Variants in PBX1 observed in about 807,000 individuals in gnomAD.
The protein encoded by PBX1 is PBX homeobox 1, also known as pre-B-cell leukemia transcription factor 1.
In PBX1, 6 loss-of-function variants were observed where a neutral mutation model predicts 53.4. The observed-to-expected ratio is 0.11, with a 90% CI of 0.06 to 0.22. The LOEUF is 0.22. PBX1 is among the 10% of genes least tolerant of loss of function. PBX1 has a pLI of 1.00. For synonymous variants in PBX1, 204 were observed against 212.3 expected (o/e 0.96, Z 0.34); for missense variants, 251 against 551.4 (o/e 0.46, Z 5.46).
At chr1:164,643,128 T>G (rs1049018601) in intron 2 of PBX1, among the ~76,000 whole-genome samples, 10 of 152,104 alleles carry the variant, frequency 6.6e-5, no homozygotes, top group Admixed American at 4.6e-4. Flanking sequence ...AACAGTGATT[T>G]CACCAAGGAT....
At chr1:164,762,236 G>T (rs1666849435) in intron 2 of PBX1, among the ~76,000 whole-genome samples, 1 of 152,142 alleles carries the variant, frequency 6.6e-6, no homozygotes, top group Non-Finnish European at 1.5e-5. Context: ...CAGAGAAATT[G>T]CCAGCTTAAA....
intron 2 of PBX1, among the ~76,000 whole-genome samples, chr1:164,788,598 A>T (rs1220057451): frequency 1.3e-5 from 2 of 152,102 alleles, no homozygotes; most frequent in Non-Finnish European, 2.9e-5. Flanking sequence ...ATAGTGCAAG[A>T]TGGTTTTCTT....
chr1:164,585,698 G>A (rs569123842), intron 2 of PBX1, among the ~76,000 whole-genome samples: 1 of 152,284 alleles, frequency 6.6e-6, no homozygotes, highest in East Asian at 1.9e-4. Context: ...AATCTATTAA[G>A]ATTTCTTATT....
chr1:164,596,779 A>G (rs1294910198), intron 2 of PBX1, among the ~76,000 whole-genome samples: 1 of 151,862 alleles, frequency 6.6e-6, no homozygotes, highest in African/African-American at 2.4e-5. Flanking sequence ...TTAAGGTGTT[A>G]TTATTTCTGT....
At chr1:164,716,729 CAG>C (rs1553234818) in intron 2 of PBX1, among the ~76,000 whole-genome samples, 1 of 140,374 alleles carries the variant, frequency 7.1e-6, no homozygotes, top group Non-Finnish European at 1.6e-5. Context: ...CACACACACA[CAG>C]AAATACACGA....
At chr1:164,731,047 C>T (rs954168365) in intron 2 of PBX1, among the ~76,000 whole-genome samples, 1 of 151,828 alleles carries the variant, frequency 6.6e-6, no homozygotes, top group Non-Finnish European at 1.5e-5. Flanking sequence ...GTGTTTTTTG[C>T]GATTGCTTTC....
chr1:164,709,271 T>C (rs1427562132), intron 2 of PBX1, among the ~76,000 whole-genome samples: 3 of 152,236 alleles, frequency 2.0e-5, no homozygotes, highest in Admixed American at 6.5e-5. Context: ...AAGGTGGCCA[T>C]GGACAAAATG....
At chr1:164,646,334 G>A (rs577120691) in intron 2 of PBX1, among the ~76,000 whole-genome samples, 6 of 152,282 alleles carry the variant, frequency 3.9e-5, no homozygotes, top group African/African-American at 1.4e-4. Flanking sequence ...GGCAAATTTA[G>A]GTACTGAATC....
rs542262927 is a variant in PBX1, at chr1:164,704,462, C to G, written c.266-88032C>G. 1.4e-4 allele frequency among the ~76,000 whole-genome samples: 21 copies of G among 152,248 alleles called. No individual in the cohort carries two copies. The South Asian group carries it at 2.5e-3, about 18-fold the overall frequency. ...AAAACTGTAAATTTATTAGATTTTT[C>G]AGGATAAGTGCCCTTTGTAGTTGTG... is the stretch of plus-strand genomic sequence containing the variant. On this transcript the variant is annotated intron_variant, in intron 2 of 8. Coordinates refer to ENST00000420696, the MANE Select transcript of PBX1 (RefSeq NM_002585.4).
intron 2 of PBX1, among the ~76,000 whole-genome samples, chr1:164,634,172 C>T (rs1658592828): frequency 1.3e-5 from 2 of 152,170 alleles, no homozygotes; most frequent in African/African-American, 4.8e-5. Context: ...GTAGCTCCAG[C>T]ATTGCTCACT....
chr1:164,884,471 T>C, intron 2 of PBX1: 1 of 451,044 alleles, frequency 2.2e-6, no homozygotes. Context: ...TTGATAGCAG[T>C]CATGATGAAA....
At chr1:164,623,242 G>T (rs1657811292) in intron 2 of PBX1, among the ~76,000 whole-genome samples, 1 of 152,124 alleles carries the variant, frequency 6.6e-6, no homozygotes, top group Non-Finnish European at 1.5e-5. Context: ...TATATAGATA[G>T]ATAGAGATAT....
At chr1:164,793,931 C>G (rs1441288464) in intron 3 of PBX1, among the ~76,000 whole-genome samples, 1 of 135,642 alleles carries the variant, frequency 7.4e-6, no homozygotes, top group African/African-American at 2.8e-5. Flanking sequence ...CTAGAGTGCA[C>G]CGGCACGATC....
At chr1:164,660,992 C>A (rs1399685793) in intron 2 of PBX1, among the ~76,000 whole-genome samples, 1 of 152,134 alleles carries the variant, frequency 6.6e-6, no homozygotes, top group Non-Finnish European at 1.5e-5. Context: ...CAGAGAATTG[C>A]CAGCTGATCA....
chr1:164,819,464 C>T (rs1005985838), intron 6 of PBX1: 13 of 152,146 alleles, frequency 8.5e-5, no homozygotes, highest in African/African-American at 2.7e-4. Flanking sequence ...CTCAAGGTTC[C>T]TTGGGCTGTT....
chr1:164,661,015 A>G (rs1412942540), intron 2 of PBX1, among the ~76,000 whole-genome samples: 3 of 152,188 alleles, frequency 2.0e-5, no homozygotes, highest in Non-Finnish European at 2.9e-5. Flanking sequence ...GCTGAAGCCA[A>G]CAGCTGATCA....
At chr1:164,618,518 T>G (rs1657453749) in intron 2 of PBX1, among the ~76,000 whole-genome samples, 1 of 152,172 alleles carries the variant, frequency 6.6e-6, no homozygotes, top group African/African-American at 2.4e-5. Context: ...GGAAGATAAA[T>G]TTTTATTTTC....
intron 6 of PBX1, chr1:164,812,846 A>G (rs1353720501): frequency 7.0e-6 from 1 of 142,518 alleles, no homozygotes; most frequent in East Asian, 2.1e-4. Context: ...GAATTTCTAC[A>G]TGTGAAAAAA....
intron 2 of PBX1, among the ~76,000 whole-genome samples, chr1:164,598,027 T>C (rs571163719): frequency 6.6e-6 from 1 of 152,184 alleles, no homozygotes; most frequent in East Asian, 1.9e-4. Flanking sequence ...GGCTCTGGCA[T>C]TTGGTGAGGG....
Sources: gnomAD v4.1 joint callset for allele counts (sites outside exome capture counted in the v4.1 genomes callset) on GRCh38, gnomAD v4.1.1 for gene constraint, MANE v1.5 for transcripts, NCBI Gene and HGNC (gene_info 2026-07-23, HGNC 2026-07-21) for gene names.